The following LUZP2 variants were observed in gnomAD, a reference collection of about 807,000 sequenced individuals.
The protein encoded by LUZP2 is leucine zipper protein 2.
Under a neutral mutation model 51.6 loss-of-function variants are expected in LUZP2, and 52 were observed. The observed-to-expected ratio is 1.01, with a 90% CI of 0.81 to 1.27. LUZP2 has a LOEUF of 1.27. Ranked by LOEUF, LUZP2 falls within the 50% of genes most tolerant of loss-of-function variation. The pLI, the probability that LUZP2 is intolerant of heterozygous loss-of-function variation, is 0.00. For missense variants in LUZP2, 436 were observed against 395.4 expected (o/e 1.10, Z -0.87); for synonymous variants, 154 against 137.3 (o/e 1.12, Z -0.85).
intron 1 of LUZP2, among the ~76,000 whole-genome samples, chr11:24,516,979 G>A (rs545168771): frequency 6.6e-6 from 1 of 152,020 alleles, no homozygotes; most frequent in Non-Finnish European, 1.5e-5. Flanking sequence ...TCTCTATGTG[G>A]CTTTATTTCC....
At chr11:24,837,678 A>G (rs1331936847) in intron 5 of LUZP2, among the ~76,000 whole-genome samples, 1 of 151,732 alleles carries the variant, frequency 6.6e-6, no homozygotes, top group Non-Finnish European at 1.5e-5. Context: ...CAATTTGTAA[A>G]GTTGTTTCAA....
chr11:25,068,973 C>T (rs1307139013), intron 10 of LUZP2, among the ~76,000 whole-genome samples: 1 of 151,932 alleles, frequency 6.6e-6, no homozygotes, highest in African/African-American at 2.4e-5. Context: ...ATCGATAGCC[C>T]TAATTAGCCA....
At chr11:24,544,539 A>G (rs1851481640) in intron 1 of LUZP2, among the ~76,000 whole-genome samples, 1 of 152,014 alleles carries the variant, frequency 6.6e-6, no homozygotes, top group South Asian at 2.1e-4. Flanking sequence ...AATATGTGGA[A>G]TTTGGTTTTC....
intron 6 of LUZP2, among the ~76,000 whole-genome samples, chr11:24,906,998 A>C (rs2133789416): frequency 6.6e-6 from 1 of 152,284 alleles, no homozygotes; most frequent in Non-Finnish European, 1.5e-5. Context: ...ATTGTCTTTA[A>C]ATTATGGCAT....
intron 5 of LUZP2, among the ~76,000 whole-genome samples, chr11:24,776,258 A>G (rs7117533): frequency 1.3e-3 from 199 of 152,340 alleles, no homozygotes; most frequent in African/African-American, 4.6e-3. Flanking sequence ...TATTTTAATT[A>G]GAAACAATAG....
chr11:24,518,185 T>A (rs570115311), intron 1 of LUZP2, among the ~76,000 whole-genome samples: 8 of 152,280 alleles, frequency 5.3e-5, no homozygotes, highest in African/African-American at 1.7e-4. Flanking sequence ...TTAATTAAGT[T>A]AGATAATTTA....
chr11:24,519,302 G>A (rs1850568315), intron 1 of LUZP2, among the ~76,000 whole-genome samples: 1 of 152,066 alleles, frequency 6.6e-6, no homozygotes, highest in Admixed American at 6.6e-5. Context: ...TCTAGAATGA[G>A]TCTTGAGCTT....
chr11:24,798,260 C>T (rs886543680), intron 5 of LUZP2, among the ~76,000 whole-genome samples: 4 of 151,208 alleles, frequency 2.6e-5, no homozygotes, highest in South Asian at 2.1e-4. Context: ...CTCTTTTGCC[C>T]GGGTTGGAGT....
intron 7 of LUZP2, among the ~76,000 whole-genome samples, chr11:24,939,310 A>G (rs1425883267): frequency 6.6e-6 from 1 of 152,102 alleles, no homozygotes; most frequent in East Asian, 1.9e-4. Flanking sequence ...TTGAATGACA[A>G]ATTTTCAGAT....
chr11:25,045,921 A>T (rs1257284079), intron 9 of LUZP2, among the ~76,000 whole-genome samples: 1 of 152,180 alleles, frequency 6.6e-6, no homozygotes, highest in Non-Finnish European at 1.5e-5. Context: ...ATTATAACTC[A>T]TAGTATTAGC....
At chr11:24,987,991 A>T (rs991203403) in intron 9 of LUZP2, among the ~76,000 whole-genome samples, 1 of 151,992 alleles carries the variant, frequency 6.6e-6, no homozygotes, top group Non-Finnish European at 1.5e-5. Context: ...ATCACAGATG[A>T]TTCTAATTTA....
At chr11:25,000,052 A>G (rs1856635484) in intron 9 of LUZP2, among the ~76,000 whole-genome samples, 1 of 152,062 alleles carries the variant, frequency 6.6e-6, no homozygotes, top group African/African-American at 2.4e-5. Context: ...TGATTGATCC[A>G]TTTTACAGAG....
intron 1 of LUZP2, among the ~76,000 whole-genome samples, chr11:24,577,295 C>T (rs577043109): frequency 1.3e-5 from 2 of 152,002 alleles, no homozygotes; most frequent in East Asian, 3.9e-4. Flanking sequence ...CTGTAGTATA[C>T]CTTATTTAAA....
chr11:24,894,676 C>G (rs1852978253), intron 5 of LUZP2, among the ~76,000 whole-genome samples: 1 of 113,850 alleles, frequency 8.8e-6, no homozygotes, highest in Non-Finnish European at 1.9e-5. Flanking sequence ...CAATGTTTAA[C>G]TCCCTCTTAT....
At chr11:24,957,588 C>T (rs528625930) in intron 7 of LUZP2, among the ~76,000 whole-genome samples, 5 of 152,212 alleles carry the variant, frequency 3.3e-5, no homozygotes, top group Admixed American at 2.0e-4. Flanking sequence ...TAAGTGAGAA[C>T]GTGTGGTATT....
At chr11:24,873,085 C>T (rs1565029636) in intron 5 of LUZP2, among the ~76,000 whole-genome samples, 1 of 152,160 alleles carries the variant, frequency 6.6e-6, no homozygotes, top group Admixed American at 6.6e-5. Context: ...GCTGGAAATG[C>T]AATTAAGACA....
chr11:24,721,144 A>G (rs1363675805), intron 1 of LUZP2, among the ~76,000 whole-genome samples: 1 of 152,218 alleles, frequency 6.6e-6, no homozygotes, highest in Non-Finnish European at 1.5e-5. Context: ...GGAGTGTCAC[A>G]TGACCAAATG....
chr11:24,887,186 T>A (rs1189912457), intron 5 of LUZP2, among the ~76,000 whole-genome samples: 1 of 57,352 alleles, frequency 1.7e-5, no homozygotes, highest in African/African-American at 7.6e-5. Flanking sequence ...GCCCCTAGTT[T>A]TTTTGATTTT....
chr11:24,739,953 G>A (rs755561444), intron 4 of LUZP2, among the ~76,000 whole-genome samples: 51 of 151,848 alleles, frequency 3.4e-4, no homozygotes, highest in South Asian at 8.3e-4. Flanking sequence ...TTACATAAAA[G>A]AATAGACATA....
Sources: allele counts gnomAD v4.1 joint callset (sites outside exome capture counted in the v4.1 genomes callset), GRCh38; gene constraint gnomAD v4.1.1; transcripts MANE v1.5; gene names NCBI Gene and HGNC (gene_info 2026-07-23, HGNC 2026-07-21).